The following HSD17B12 variants were observed in gnomAD, a reference collection of about 807,000 sequenced individuals.
HSD17B12 encodes the protein very-long-chain 3-oxoacyl-CoA reductase.
Under a neutral mutation model 39.3 loss-of-function variants are expected in HSD17B12, and 32 were observed. The ratio of observed to expected loss-of-function variants is 0.81; its 90% CI spans 0.61 to 1.09. The LOEUF (loss-of-function observed/expected upper bound fraction) is 1.09. Ranked by LOEUF, HSD17B12 falls within the 50% of genes least tolerant of loss-of-function variation. The probability of loss-of-function intolerance (pLI) is 0.00; values close to 1 mark genes in which losing one functional copy is unlikely to be tolerated. For missense variants in HSD17B12, 342 were observed against 382.9 expected, an observed-to-expected ratio of 0.89 and a Z score of 0.89; for synonymous variants, 150 against 146.7, an observed-to-expected ratio of 1.02 and a Z score of -0.16.
At chr11:43,811,868 C>G (rs1951076396) in intron 4 of HSD17B12, among the ~76,000 whole-genome samples, 1 of 152,032 alleles carries the variant, frequency 6.6e-6, no homozygotes, top group African/African-American at 2.4e-5. Flanking sequence ...CATCCCTCAC[C>G]CACCCACACA....
chr11:43,759,163 T>C (rs1161762932), intron 3 of HSD17B12, among the ~76,000 whole-genome samples: 2 of 152,160 alleles, frequency 1.3e-5, no homozygotes, highest in Non-Finnish European at 2.9e-5. Flanking sequence ...GATGAGGAAA[T>C]TACTTGACAA....
chr11:43,776,802 C>T (rs542572534), intron 3 of HSD17B12, among the ~76,000 whole-genome samples: 5,047 of 152,140 alleles, frequency 0.033, 110 homozygotes, highest in Non-Finnish European at 0.051. Context: ...AGGAAGGGAT[C>T]CAGTTTCAGC....
intron 9 of HSD17B12, among the ~76,000 whole-genome samples, chr11:43,845,696 C>A (rs1951469058): frequency 1.3e-5 from 2 of 152,140 alleles, no homozygotes; most frequent in South Asian, 4.1e-4. Flanking sequence ...TGGGGAGACA[C>A]AGAAGATCCA....
the HSD17B12 span, among the ~76,000 whole-genome samples, chr11:43,653,798 C>G: frequency 6.6e-6 from 1 of 151,972 alleles, no homozygotes; most frequent in African/African-American, 2.4e-5. Flanking sequence ...TCCAGTCTAT[C>G]ATTGTTGGAC....
At chr11:43,749,431 G>A (rs1313195510) in intron 1 of HSD17B12, among the ~76,000 whole-genome samples, 1 of 152,100 alleles carries the variant, frequency 6.6e-6, no homozygotes, top group African/African-American at 2.4e-5. Context: ...TAATGGTATT[G>A]TGGCTATTTT....
At chr11:43,577,791 G>A in the HSD17B12 span, among the ~76,000 whole-genome samples, 1 of 152,238 alleles carries the variant, frequency 6.6e-6, no homozygotes, top group Non-Finnish European at 1.5e-5. Context: ...GAGAATCCAA[G>A]CTAGGGAACA....
the HSD17B12 span, among the ~76,000 whole-genome samples, chr11:43,635,921 G>A: frequency 6.6e-6 from 1 of 152,210 alleles, no homozygotes; most frequent in African/African-American, 2.4e-5. Flanking sequence ...GTATTGCCAT[G>A]AGGATACAGA....
chr11:43,776,891 G>A (rs1459944666), intron 3 of HSD17B12, among the ~76,000 whole-genome samples: 1 of 152,074 alleles, frequency 6.6e-6, no homozygotes, highest in African/African-American at 2.4e-5. Flanking sequence ...GTTTTTCTCA[G>A]GTTTGTCAAA....
the HSD17B12 span, among the ~76,000 whole-genome samples, chr11:43,638,702 A>G: frequency 7.5e-4 from 114 of 152,166 alleles, 1 homozygote; most frequent in Non-Finnish European, 1.6e-3. Context: ...AGATTAATAT[A>G]TCGTGGTGTT....
At chr11:43,620,724 CTTTA>C in the HSD17B12 span, among the ~76,000 whole-genome samples, 1 of 152,188 alleles carries the variant, frequency 6.6e-6, no homozygotes, top group African/African-American at 2.4e-5. Flanking sequence ...TGGATGACCA[CTTTA>C]TTTTACATTG....
At chr11:43,689,751 ACT>A (rs2134776829) in intron 1 of HSD17B12, among the ~76,000 whole-genome samples, 1 of 151,878 alleles carries the variant, frequency 6.6e-6, no homozygotes, top group East Asian at 1.9e-4. Context: ...GTTTCACCAT[ACT>A]GACCAGGCTG....
chr11:43,835,743 C>T (rs1343209927), intron 7 of HSD17B12, among the ~76,000 whole-genome samples: 5 of 152,146 alleles, frequency 3.3e-5, no homozygotes, highest in Non-Finnish European at 7.4e-5. Flanking sequence ...GAAGTACCCT[C>T]AAACTCTGAC....
the HSD17B12 span, among the ~76,000 whole-genome samples, chr11:43,672,810 G>A: frequency 1.3e-5 from 2 of 152,292 alleles, no homozygotes; most frequent in East Asian, 1.9e-4. Flanking sequence ...CAAAGTGCTA[G>A]GATTACAGGC....
chr11:43,654,274 CT>C, the HSD17B12 span, among the ~76,000 whole-genome samples: 18 of 152,046 alleles, frequency 1.2e-4, no homozygotes, highest in Non-Finnish European at 1.9e-4. Flanking sequence ...TGTTTGAGTT[CT>C]TTGTAGGTTC....
chr11:43,771,389 G>A (rs893802573), intron 3 of HSD17B12, among the ~76,000 whole-genome samples: 1 of 149,232 alleles, frequency 6.7e-6, no homozygotes, highest in Admixed American at 6.7e-5. Context: ...TACTGTACAT[G>A]TCTTTTGGAG....
Position 43,705,045 on chromosome 11 carries a change from T to C in HSD17B12, c.160+24058T>C, listed in dbSNP as rs574321333. ...ATTCAGTAGAAAAGGAGGGAAATTT[T>C]CTTGTTTCAAATGAAATTTTATAAT... On this transcript the variant is annotated intron_variant, in intron 1 of 10. Coordinates refer to ENST00000278353, the MANE Select transcript of HSD17B12 (RefSeq NM_016142.3). Among the ~76,000 whole-genome samples the C allele has an allele frequency of 5.3e-5, 8 of 152,374 alleles. No individual in the cohort carries two copies. The East Asian group carries it at 1.5e-3, about 29-fold the overall frequency.
chr11:43,730,340 T>C (rs1468607576), intron 1 of HSD17B12, among the ~76,000 whole-genome samples: 1 of 152,216 alleles, frequency 6.6e-6, no homozygotes, highest in Non-Finnish European at 1.5e-5. Flanking sequence ...AAGATTTATC[T>C]GGAAGTGAAT....
At chr11:43,619,197 TG>T in the HSD17B12 span, among the ~76,000 whole-genome samples, 8 of 67,720 alleles carry the variant, frequency 1.2e-4, no homozygotes, top group Non-Finnish European at 2.7e-4. Context: ...TATATATATA[TG>T]ATATATATAT....
intron 1 of HSD17B12, among the ~76,000 whole-genome samples, chr11:43,725,730 A>G (rs970364481): frequency 2.0e-5 from 3 of 152,216 alleles, no homozygotes; most frequent in African/African-American, 7.2e-5. Context: ...AAAAATGGTA[A>G]GTTATTACTA....
Sources: allele counts gnomAD v4.1 joint callset (sites outside exome capture counted in the v4.1 genomes callset), GRCh38; gene constraint gnomAD v4.1.1; transcripts MANE v1.5; gene names NCBI Gene and HGNC (gene_info 2026-07-23, HGNC 2026-07-21).